SVIL: variants seen among roughly 807,000 people sequenced by gnomAD.
SVIL encodes archvillin.
SVIL carries 101 observed loss-of-function variants against 240.4 expected under a neutral mutation model. That is an observed-to-expected ratio of 0.42 (90% confidence interval 0.36 to 0.50). The LOEUF (loss-of-function observed/expected upper bound fraction) is 0.50. Among genes scored for constraint, SVIL ranks in the 20% least tolerant of loss-of-function variants. The pLI is 0.01. For synonymous variants in SVIL, 999 were observed against 1,100.0 expected, an observed-to-expected ratio of 0.91 and a Z score of 1.82; for missense variants, 2,512 against 2,818.7, an observed-to-expected ratio of 0.89 and a Z score of 2.46.
intron 1 of SVIL, among the ~76,000 whole-genome samples, chr10:29,716,048 A>G (rs1321378839): frequency 6.6e-6 from 1 of 152,268 alleles, no homozygotes; most frequent in Non-Finnish European, 1.5e-5. Context: ...TTTAAATACT[A>G]TATTGCTTAA....
In SVIL at chr10:29,533,113, T is replaced by G; in HGVS notation, c.1254A>C (p.Pro418=). The G allele has an allele frequency of 6.2e-7, 1 of 1,614,162 alleles. No individual in the cohort carries two copies. The highest frequency in any genetic ancestry group is 1.3e-5 in the African/African-American group (1 of 75,048). ...TVLEGDGRDS[P]VLHVCESKAE... ...CTTTTGACTCGCAGACATGGAGAAC[T>G]GGGCTATCCCTTCCGTCACCTTCTA... Residue 418 remains proline (P), a synonymous_variant, in exon 8 of 38, where the codon CCA becomes CCC. Transcript: ENST00000355867.
chr10:29,713,852 T>C (rs934413533), intron 1 of SVIL, among the ~76,000 whole-genome samples: 3 of 152,158 alleles, frequency 2.0e-5, no homozygotes, highest in Admixed American at 1.3e-4. Flanking sequence ...AAATGCTAGG[T>C]TTAAAAATGT....
chr10:29,660,312 CA>C (rs998103759), intron 2 of SVIL, among the ~76,000 whole-genome samples: 66 of 149,264 alleles, frequency 4.4e-4, no homozygotes, highest in African/African-American at 3.4e-4. Context: ...TTGCTTGACT[CA>C]AAAAAAAAAT....
At chr10:29,464,570 G>A (rs939901523) in intron 34 of SVIL, among the ~76,000 whole-genome samples, 10 of 152,050 alleles carry the variant, frequency 6.6e-5, no homozygotes, top group African/African-American at 2.4e-4. Context: ...CTTGCTAGTC[G>A]GCTCACTGTA....
At chr10:29,628,372 A>G (rs1957955510) in intron 1 of SVIL, among the ~76,000 whole-genome samples, 1 of 152,244 alleles carries the variant, frequency 6.6e-6, no homozygotes, top group African/African-American at 2.4e-5. Context: ...TTCAGAATGT[A>G]TGAAAGAGTA....
At chr10:29,637,855 C>T (rs1431162819), upstream of SVIL, among the ~76,000 whole-genome samples, 1 of 152,164 alleles carries the variant, frequency 6.6e-6, no homozygotes, top group African/African-American at 2.4e-5. Context: ...TGACAGAAAG[C>T]CAATCCCAAA....
rs138998174 is a variant in SVIL, at chr10:29,653,493, G to A, written c.-201+4476C>T. The stretch of plus-strand genomic sequence containing the variant: ...CTCAGGTAGTTCTTTATAGCAATGC[G>A]AGAATGGACTAATGCATAGCCCTTT... On this transcript the variant is annotated intron_variant, in intron 3 of 35. Coordinates refer to the SVIL transcript ENST00000375400. Among the ~76,000 whole-genome samples the A allele has an allele frequency of 2.8e-3, 425 of 152,224 alleles. 3 individuals are homozygous for A. The highest frequency in any genetic ancestry group is 9.7e-3 in the African/African-American group (401 of 41,510).
At chr10:29,628,522 TGAAAGTCCA>T (rs1957960880) in intron 1 of SVIL, among the ~76,000 whole-genome samples, 1 of 152,182 alleles carries the variant, frequency 6.6e-6, no homozygotes, top group African/African-American at 2.4e-5. Context: ...AGAACGTAAT[TGAAAGTCCA>T]GAAAGAAACG....
At chr10:29,601,526 A>G (rs1358495742) in intron 1 of SVIL, among the ~76,000 whole-genome samples, 1 of 152,214 alleles carries the variant, frequency 6.6e-6, no homozygotes, top group African/African-American at 2.4e-5. Flanking sequence ...CAACTACTAT[A>G]TAGAATGAGG....
At position 29,467,889 on chromosome 10, in the gene SVIL, A is replaced by G; in HGVS notation, c.5844-14T>C. The G allele has an allele frequency of 6.2e-7, 1 of 1,613,866 alleles. No individual in the cohort carries two copies. Among genetic ancestry groups the G allele is most frequent in the East Asian group, 2.2e-5 (1 of 44,886 alleles). On this transcript the variant is annotated splice_polypyrimidine_tract_variant and intron_variant, in intron 32 of 37. Transcript: ENST00000355867. ...TCCAGGGGACATCTGCAAGGGAGAA[A>G]CTCCAAGAGTTCTTTATAAGTCTGG...
At chr10:29,522,845 T>C (rs1230231485) in intron 15 of SVIL, among the ~76,000 whole-genome samples, 2 of 152,232 alleles carry the variant, frequency 1.3e-5, no homozygotes, top group African/African-American at 4.8e-5. Context: ...AAATGCTTCG[T>C]GGCAATTGGT....
chr10:29,735,729 C>G lies in SVIL; in HGVS notation c.-400+22G>C, dbSNP rs2132730913. On this transcript the variant is annotated intron_variant, in intron 1 of 35. Coordinates refer to the SVIL transcript ENST00000375400. The surrounding 1 kb of genome is among the most constrained non-coding windows in gnomAD (Gnocchi z 4.1). ...CCGGCTCCGCGCGCCCCTCGGCCAC[C>G]GCGCGGAGGGACTTTGCTCACCTAC... 6.6e-6 allele frequency: 1 copy of G among 152,134 alleles called. No homozygotes were observed. Among genetic ancestry groups the G allele is most frequent in the East Asian group, 2.0e-4 (1 of 5,096 alleles). The allele number at this position is 152,134 out of a possible 1,614,324, so 9.4% of individuals were successfully genotyped here.
chr10:29,508,281 C>T (rs1186362821), intron 17 of SVIL: 10 of 1,135,304 alleles, frequency 8.8e-6, no homozygotes, highest in Middle Eastern at 2.3e-4. Flanking sequence ...ATCAGGATTA[C>T]CCACGCGAAG....
At chr10:29,465,465 C>T (rs1351917316) in intron 34 of SVIL, 130 bp downstream of exon 34, 1 of 1,158,978 alleles carries the variant, frequency 8.6e-7, no homozygotes, top group Admixed American at 3.1e-5. Flanking sequence ...AGTGTAAGCA[C>T]ATGTTCTGGG....
At chr10:29,522,689 C>T in intron 15 of SVIL, 54 bp from the exon 16 acceptor site, 1 of 1,562,226 alleles carries the variant, frequency 6.4e-7, no homozygotes, top group South Asian at 1.2e-5. Flanking sequence ...AACATTCTTC[C>T]AGCGATTCGC....
At chr10:29,718,539 A>C (rs1963775258) in intron 1 of SVIL, among the ~76,000 whole-genome samples, 1 of 152,058 alleles carries the variant, frequency 6.6e-6, no homozygotes, top group African/African-American at 2.4e-5. Flanking sequence ...ACAGAATCTG[A>C]ATTTTCAGAT....
chr10:29,722,269 C>T (rs1357545916), intron 1 of SVIL, among the ~76,000 whole-genome samples: 1 of 149,278 alleles, frequency 6.7e-6, no homozygotes, highest in Non-Finnish European at 1.5e-5. Flanking sequence ...AAAAAAACTG[C>T]ATCAGCAAGT....
chr10:29,664,310 T>A (rs1031311550), intron 2 of SVIL, among the ~76,000 whole-genome samples: 2 of 152,296 alleles, frequency 1.3e-5, no homozygotes, highest in African/African-American at 4.8e-5. Context: ...TACCACTTGC[T>A]TAATAGCAAA....
At chr10:29,646,759 C>T (rs1564733058) in intron 3 of SVIL, among the ~76,000 whole-genome samples, 3 of 152,174 alleles carry the variant, frequency 2.0e-5, no homozygotes, top group South Asian at 2.1e-4. Context: ...GACAGCTCCC[C>T]GTGGGTCACA....
Sources: gnomAD v4.1 joint callset for allele counts (sites outside exome capture counted in the v4.1 genomes callset) on GRCh38, gnomAD v4.1.1 for gene constraint, Gnocchi (gnomAD v3.1) non-coding constraint, MANE v1.5 for transcripts, NCBI Gene and HGNC (gene_info 2026-07-23, HGNC 2026-07-21) for gene names.